NSUN3: variants seen among roughly 807,000 people sequenced by gnomAD.
NSUN3 encodes tRNA (cytosine(34)-C(5))-methyltransferase, mitochondrial.
A neutral mutation model predicts 36.8 loss-of-function variants in NSUN3; 24 were observed. The observed-to-expected ratio is 0.65, with a 90% confidence interval of 0.47 to 0.92. The LOEUF (loss-of-function observed/expected upper bound fraction) is 0.92, where lower values mean the gene tolerates loss of function less well. Among genes scored for constraint, NSUN3 ranks in the 40% least tolerant of loss-of-function variants. The probability of loss-of-function intolerance (pLI) is 0.00; values close to 1 mark genes in which losing one functional copy is unlikely to be tolerated. For missense variants in NSUN3, 381 were observed against 392.8 expected, an observed-to-expected ratio of 0.97 and a Z score of 0.25; for synonymous variants, 146 against 145.2, an observed-to-expected ratio of 1.01 and a Z score of -0.04.
chr3:94,064,615 A>C lies in NSUN3; in HGVS notation c.122+69A>C, dbSNP rs551900556. On this transcript the variant is annotated intron_variant, in intron 2 of 5. Transcript: ENST00000314622. ...AATATGTAGTCCTCCTTTTTGTGGGAGGGATGCTGTGAGGTTAAAAGGCAA... is the reference window on the plus strand; with the variant it reads ...AATATGTAGTCCTCCTTTTTGTGGGCGGGATGCTGTGAGGTTAAAAGGCAA... 69 of 983,586 alleles carry C rather than the reference A, an allele frequency of 7.0e-5. 3 individuals carry two copies. The African/African-American group carries it at 9.4e-4, about 13-fold the overall frequency. 60.9% of individuals were successfully genotyped at this position (983,586 alleles called of 1,614,324 possible).
chr3:94,076,956 A>ATG, intron 2 of NSUN3: 4 of 1,013,816 alleles, frequency 3.9e-6, no homozygotes, highest in South Asian at 1.3e-5. Context: ...TGTTCATCCA[A>ATG]TGTGTGTGTG....
intron 5 of NSUN3, among the ~76,000 whole-genome samples, chr3:94,114,637 C>T (rs922809874): frequency 9.2e-5 from 14 of 151,954 alleles, no homozygotes; most frequent in Admixed American, 3.9e-4. Context: ...ATTTTAGATT[C>T]GGGGGTACAT....
intron 2 of NSUN3, among the ~76,000 whole-genome samples, chr3:94,073,438 G>A (rs368908343): frequency 6.6e-6 from 1 of 152,062 alleles, no homozygotes; most frequent in African/African-American, 2.4e-5. Flanking sequence ...AAGTGTTCCT[G>A]TTTCTCCACA....
intron 3 of NSUN3, among the ~76,000 whole-genome samples, chr3:94,087,041 C>T (rs1576087433): frequency 6.6e-6 from 1 of 152,046 alleles, no homozygotes; most frequent in African/African-American, 2.4e-5. Context: ...GATTAGGAAC[C>T]CAAAGGCAAA....
At chr3:94,080,972 G>A (rs775030924) in intron 2 of NSUN3, among the ~76,000 whole-genome samples, 1 of 152,190 alleles carries the variant, frequency 6.6e-6, no homozygotes, top group Non-Finnish European at 1.5e-5. Context: ...GAAAACTCCT[G>A]CAGCTAGTTC....
At chr3:94,067,231 C>T (rs996372556) in intron 2 of NSUN3, among the ~76,000 whole-genome samples, 2 of 152,182 alleles carry the variant, frequency 1.3e-5, no homozygotes, top group Admixed American at 6.5e-5. Flanking sequence ...ACATTACTGC[C>T]AGCAAAAGTT....
chr3:94,119,702 C>T (rs2077453773), intron 5 of NSUN3, among the ~76,000 whole-genome samples: 2 of 152,190 alleles, frequency 1.3e-5, no homozygotes, highest in South Asian at 4.1e-4. Flanking sequence ...AATTGCCTGC[C>T]TTCCTTTATC....
intron 3 of NSUN3, among the ~76,000 whole-genome samples, chr3:94,090,905 TC>T (rs2077312246): frequency 6.6e-6 from 1 of 152,120 alleles, no homozygotes; most frequent in Non-Finnish European, 1.5e-5. Flanking sequence ...TTCACTTACA[TC>T]AAGCTGGGAT....
At chr3:94,103,483 C>T (rs2077373997) in intron 5 of NSUN3, among the ~76,000 whole-genome samples, 1 of 150,944 alleles carries the variant, frequency 6.6e-6, no homozygotes, top group South Asian at 2.1e-4. Context: ...TATACTGGAG[C>T]TAAGATACAT....
intron 5 of NSUN3, among the ~76,000 whole-genome samples, chr3:94,113,656 A>G (rs2077427794): frequency 6.6e-6 from 1 of 152,170 alleles, no homozygotes; most frequent in Non-Finnish European, 1.5e-5. Flanking sequence ...GAATCAGGTA[A>G]ATGAAGGCTG....
chr3:94,076,876 G>A lies in NSUN3; in HGVS notation c.123-7231G>A, dbSNP rs1184843763. The stretch of plus-strand genomic sequence containing the variant: ...AACCTCCAAATTCTCCTTTCTCACT[G>A]TCGTAGTGTGATGCATCAAAATGAG... On this transcript the variant is annotated intron_variant, in intron 2 of 5. Transcript: ENST00000314622. 4 of 1,504,642 alleles carry A rather than the reference G, an allele frequency of 2.7e-6. No homozygotes were observed. In the African/African-American group the frequency reaches 4.1e-5, roughly 16 times the overall value. 93.2% of individuals were successfully genotyped at this position (1,504,642 alleles called of 1,614,324 possible). A position where few individuals can be genotyped will look rare whatever the true frequency, so the allele number is the denominator to read the frequency against.
chr3:94,114,715 G>A (rs1479955611), intron 5 of NSUN3, among the ~76,000 whole-genome samples: 3 of 152,228 alleles, frequency 2.0e-5, no homozygotes, highest in East Asian at 1.9e-4. Context: ...CCCATCATCC[G>A]GGTAGTAAGC....
chr3:94,079,476 C>T (rs940590512), intron 2 of NSUN3, among the ~76,000 whole-genome samples: 4 of 152,118 alleles, frequency 2.6e-5, no homozygotes, highest in African/African-American at 9.7e-5. Context: ...TTTGGCCTGC[C>T]TTGCTAGGTT....
chr3:94,116,890 C>T (rs1209656946), intron 5 of NSUN3, among the ~76,000 whole-genome samples: 1 of 147,518 alleles, frequency 6.8e-6, no homozygotes, highest in African/African-American at 2.5e-5. Context: ...TTCAGCAAGA[C>T]ATATGAATAG....
intron 4 of NSUN3, 140 bp from the exon 5 acceptor site, chr3:94,094,893 G>C (rs2077331087): frequency 1.3e-6 from 1 of 788,310 alleles, no homozygotes; most frequent in African/African-American, 1.7e-5. Context: ...AACCTACTGT[G>C]GTGTATTTTC....
intron 3 of NSUN3, among the ~76,000 whole-genome samples, chr3:94,092,939 A>AAAAAAG (rs1406081956): frequency 2.7e-5 from 4 of 149,808 alleles, no homozygotes; most frequent in African/African-American, 9.8e-5. Flanking sequence ...AAAAAAAAAA[A>AAAAAAG]AAAAAAGAAA....
At chr3:94,069,549 ATCTTCG>A (rs1053690831) in intron 2 of NSUN3, among the ~76,000 whole-genome samples, 2 of 152,200 alleles carry the variant, frequency 1.3e-5, no homozygotes, top group Non-Finnish European at 2.9e-5. Flanking sequence ...GATATTTTTC[ATCTTCG>A]TCACTAGGAC....
rs1424514770 is a variant in NSUN3, at chr3:94,126,660, T to G, written c.*170T>G. ...GGCTTGAGAATTGTTCAGGTGTATT[T>G]TTTTCCTAGAAATATATCTGTAACA... On this transcript the variant is annotated 3_prime_UTR_variant, in exon 6 of 6. Coordinates refer to ENST00000314622, the MANE Select transcript of NSUN3 (RefSeq NM_022072.5). The G allele has an allele frequency of 1.0e-5, 6 of 592,000 alleles. No individual in the cohort carries two copies. Among genetic ancestry groups the G allele is most frequent in the Non-Finnish European group, 1.7e-5 (6 of 346,970 alleles). 36.7% of individuals were successfully genotyped at this position (592,000 alleles called of 1,614,324 possible).
chr3:94,101,426 A>G (rs779215964), intron 5 of NSUN3, among the ~76,000 whole-genome samples: 1 of 152,132 alleles, frequency 6.6e-6, no homozygotes, highest in Non-Finnish European at 1.5e-5. Flanking sequence ...TTTTTTTAAC[A>G]TGAAAAACTT....
Sources: gnomAD v4.1 joint callset for allele counts (sites outside exome capture counted in the v4.1 genomes callset) on GRCh38, gnomAD v4.1.1 for gene constraint, MANE v1.5 for transcripts, NCBI Gene and HGNC (gene_info 2026-07-23, HGNC 2026-07-21) for gene names.